Variants in VEZF1 observed in about 807,000 individuals in gnomAD.
VEZF1 encodes the protein vascular endothelial zinc finger 1.
VEZF1 carries 5 observed loss-of-function variants against 44.1 expected under a neutral mutation model. The observed-to-expected ratio is 0.11, with a 90% CI of 0.06 to 0.24. VEZF1 has a LOEUF of 0.24. Among genes scored for constraint, VEZF1 ranks in the 10% least tolerant of loss-of-function variants. The pLI is 1.00. For synonymous variants in VEZF1, 236 were observed against 233.1 expected, an observed-to-expected ratio of 1.01 and a Z score of -0.11; for missense variants, 358 against 641.8, an observed-to-expected ratio of 0.56 and a Z score of 4.78.
intron 1 of VEZF1, among the ~76,000 whole-genome samples, chr17:57,985,081 C>A (rs958208549): frequency 1.3e-5 from 2 of 152,142 alleles, no homozygotes; most frequent in Non-Finnish European, 2.9e-5. Context: ...CGTTTCCATA[C>A]AGTATACAAA....
chr17:57,979,985 A>AAAAAC (rs1567738771), intron 4 of VEZF1, among the ~76,000 whole-genome samples: 11 of 149,622 alleles, frequency 7.4e-5, no homozygotes, highest in Non-Finnish European at 8.9e-5. Context: ...AAAAAAAAAA[A>AAAAAC]AAAAAACAAA....
chr17:57,981,795 G>A (rs1287481404), intron 3 of VEZF1, 78 bp downstream of exon 3: 3 of 1,384,730 alleles, frequency 2.2e-6, no homozygotes, highest in Non-Finnish European at 3.1e-6. Context: ...TTCAAGAATG[G>A]TGAGATTCAA....
chr17:57,974,445 T>C lies in VEZF1; in HGVS notation c.*28A>G. 1 of 1,589,038 alleles carries C rather than the reference T, an allele frequency of 6.3e-7. No individual in the cohort carries two copies. Among genetic ancestry groups the C allele is most frequent in the Non-Finnish European group, 8.6e-7 (1 of 1,162,662 alleles). On this transcript the variant is annotated 3_prime_UTR_variant, in exon 6 of 6. Coordinates refer to ENST00000581208, the MANE Select transcript of VEZF1 (RefSeq NM_007146.3). ...TAAGTTGCTGGTAAATATTTACTTT[T>C]ACCCATATTTTGATTTTATAATACT...
rs559528015 is a variant in VEZF1 at position 57,981,278 on chromosome 17, C to A, written c.793-492G>T. 5.3e-5 allele frequency among the ~76,000 whole-genome samples: 8 copies of A among 152,308 alleles called. No individual in the cohort carries two copies. The East Asian group carries it at 1.5e-3, about 29-fold the overall frequency. ...CTTAATAAAATCAGTCATTAACAAA[C>A]TTAACTGAAAGGTGTACTAAAAGAC... is the stretch of plus-strand genomic sequence containing the variant. On this transcript the variant is annotated intron_variant, in intron 3 of 5. Coordinates refer to ENST00000581208, the MANE Select transcript of VEZF1 (RefSeq NM_007146.3).
chr17:57,987,868 C>A (rs2075314559), intron 1 of VEZF1, among the ~76,000 whole-genome samples: 1 of 151,766 alleles, frequency 6.6e-6, no homozygotes, highest in Non-Finnish European at 1.5e-5. Context: ...CACCCCGCGG[C>A]CTGCTATCTC....
intron 5 of VEZF1, among the ~76,000 whole-genome samples, chr17:57,975,172 T>C (rs1386866838): frequency 6.6e-6 from 1 of 152,248 alleles, no homozygotes; most frequent in African/African-American, 2.4e-5. Context: ...AGTTCAGATT[T>C]ACTTACCTAC....
intron 2 of VEZF1, among the ~76,000 whole-genome samples, 177 bp downstream of exon 2, chr17:57,982,522 T>A (rs12943664): frequency 0.072 from 10,951 of 152,172 alleles, 452 homozygotes; most frequent in African/African-American, 0.11. Context: ...CACTTGTCAA[T>A]CACACCAAAC....
Position 57,985,288 on chromosome 17 carries a change from T to C in VEZF1, c.34-1895A>G, listed in dbSNP as rs1279017827. The C allele has an allele frequency of 6.5e-6, 8 of 1,231,506 alleles. No homozygotes were observed. In the East Asian group the frequency reaches 2.5e-4, roughly 39 times the overall value. The allele number at this position is 1,231,506 out of a possible 1,614,324, so 76.3% of individuals were successfully genotyped here. A position where few individuals can be genotyped will look rare whatever the true frequency, so the allele number is the denominator to read the frequency against. ...ACCAATTCAGATGTCTGTGGCAACA[T>C]AAAGTATTTTTACAGCATTGCTGAA... On this transcript the variant is annotated intron_variant, in intron 1 of 5. Coordinates refer to ENST00000581208, the MANE Select transcript of VEZF1 (RefSeq NM_007146.3).
chr17:57,985,183 A>C, intron 1 of VEZF1: 1 of 1,006,000 alleles, frequency 9.9e-7, no homozygotes, highest in South Asian at 5.1e-5. Context: ...CAAAGTTCAG[A>C]CTTATAGCAT....
chr17:57,976,711 G>A (rs2075194889), intron 5 of VEZF1, among the ~76,000 whole-genome samples: 1 of 152,020 alleles, frequency 6.6e-6, no homozygotes, highest in South Asian at 2.1e-4. Context: ...CGCTACAAAT[G>A]GGAATACAAT....
At position 57,973,350 on chromosome 17, in the gene VEZF1, A is replaced by G. The variant is rs2075156090; in HGVS notation, c.*1123T>C. Reference sequence around the variant, plus strand: ...TGTCCATATTTACAAAGTTGAACAAATCTGCGCAATACTTAAGAAACGGAA... The same window carrying G: ...TGTCCATATTTACAAAGTTGAACAAGTCTGCGCAATACTTAAGAAACGGAA... On this transcript the variant is annotated 3_prime_UTR_variant, in exon 6 of 6. Coordinates refer to ENST00000581208, the MANE Select transcript of VEZF1 (RefSeq NM_007146.3). 1 of 152,592 alleles carries G rather than the reference A, an allele frequency of 6.6e-6. No homozygotes were observed. The highest frequency in any genetic ancestry group is 2.4e-5 in the African/African-American group (1 of 41,454). The allele number at this position is 152,592 out of a possible 1,614,324, so 9.5% of individuals were successfully genotyped here. A position where few individuals can be genotyped will look rare whatever the true frequency, so the allele number is the denominator to read the frequency against.
chr17:57,979,341 G>GT, intron 4 of VEZF1, 28 bp from the exon 5 acceptor site: 4 of 1,607,112 alleles, frequency 2.5e-6, no homozygotes, highest in Non-Finnish European at 3.4e-6. Flanking sequence ...CAAAAACACT[G>GT]TATCTACCTG....
At position 57,977,852 on chromosome 17, in the gene VEZF1, G is replaced by GA. The variant is rs572032894; in HGVS notation, c.1138+1299dup. On this transcript the variant is annotated intron_variant, in intron 5 of 5. Coordinates refer to ENST00000581208, the MANE Select transcript of VEZF1 (RefSeq NM_007146.3). ...AGAGCAAAACTCCATCTCAAAAAAA[G>GA]AAAAAAAAAAAAAAAGAATGCTATT... Among the ~76,000 whole-genome samples, 268 of 114,814 alleles carry GA rather than the reference G, an allele frequency of 2.3e-3. 1 individual carries two copies. The highest frequency in any genetic ancestry group is 7.9e-3 in the East Asian group (26 of 3,290). The allele number at this position is 114,814 out of a possible 152,430, so 75.3% of individuals were successfully genotyped here. A position where few individuals can be genotyped will look rare whatever the true frequency, so the allele number is the denominator to read the frequency against.
At chr17:57,980,505 C>A in intron 4 of VEZF1, 98 bp downstream of exon 4, 2 of 1,209,808 alleles carry the variant, frequency 1.7e-6, no homozygotes, top group Non-Finnish European at 2.4e-6. Flanking sequence ...TAGGAGGAAA[C>A]ACGTAAGGTG....
At chr17:57,987,850 C>A (rs2075314355) in intron 1 of VEZF1, among the ~76,000 whole-genome samples, 1 of 151,880 alleles carries the variant, frequency 6.6e-6, no homozygotes, top group Non-Finnish European at 1.5e-5. Flanking sequence ...CTGGGGGGCC[C>A]CCGGGTTCAC....
Position 57,982,723 on chromosome 17 carries a change from C to T in VEZF1, c.704G>A (p.Ser235Asn), listed in dbSNP as rs751118618. Reference protein sequence around the residue: ...EGGITKPYTCSVCGKGFSRPD... With the variant: ...EGGITKPYTCNVCGKGFSRPD... ...CCTTGAGAAGCCTTTCCCACAAACACTGCAAGTATAGGGTTTGGTGATGCC... is the reference window on the plus strand; with the variant it reads ...CCTTGAGAAGCCTTTCCCACAAACATTGCAAGTATAGGGTTTGGTGATGCC... The change falls in exon 2 of 6, where the codon AGT becomes AAT. Residue 235 changes from serine (S) to asparagine (N), a missense_variant. This residue lies in a region of VEZF1 where 48 missense variants were observed against 144.9 expected (regional missense o/e 0.33). Coordinates refer to ENST00000581208, the MANE Select transcript of VEZF1 (RefSeq NM_007146.3). 3.1e-6 allele frequency: 5 copies of T among 1,612,802 alleles called. No homozygotes were observed. The highest frequency in any genetic ancestry group is 1.7e-6 in the Non-Finnish European group (2 of 1,179,362).
In VEZF1 at chr17:57,988,222, GCTC is replaced by G. The variant is rs915789004; in HGVS notation, c.-114_-112del. 23 of 220,116 alleles carry G rather than the reference GCTC, an allele frequency of 1.0e-4. No individual in the cohort carries two copies. Among genetic ancestry groups the G allele is most frequent in the Non-Finnish European group, 1.5e-4 (17 of 114,098 alleles). 13.6% of individuals were successfully genotyped at this position (220,116 alleles called of 1,614,324 possible). ...GGCGGCGGCGGCAACGGCAGCGGCG[GCTC>G]CTCAACATGGCAGCGCCGAGCGCGG... On this transcript the variant is annotated 5_prime_UTR_variant, in exon 1 of 6. Transcript: ENST00000581208.
chr17:57,980,344 A>C (rs1366106428), intron 4 of VEZF1, among the ~76,000 whole-genome samples: 2 of 152,350 alleles, frequency 1.3e-5, no homozygotes, highest in East Asian at 3.9e-4. Context: ...ATTTCTCTAC[A>C]GATTTGGGTT....
chr17:57,975,898 A>C (rs2075185686), intron 5 of VEZF1, among the ~76,000 whole-genome samples: 1 of 152,162 alleles, frequency 6.6e-6, no homozygotes, highest in Non-Finnish European at 1.5e-5. Flanking sequence ...CTCAAGGCTC[A>C]AGCAATCCTC....
Sources: gnomAD v4.1 joint callset for allele counts (sites outside exome capture counted in the v4.1 genomes callset) on GRCh38, gnomAD v4.1.1 for gene constraint, gnomAD v4.1.1 regional missense constraint, MANE v1.5 for transcripts, NCBI Gene and HGNC (gene_info 2026-07-23, HGNC 2026-07-21) for gene names.